Variants in FIGNL1 observed in about 807,000 individuals in gnomAD.
FIGNL1 encodes the protein fidgetin like 1, also known as fidgetin-like protein 1.
FIGNL1 carries 11 observed loss-of-function variants against 28.9 expected under a neutral mutation model. That is an observed-to-expected ratio of 0.38 (90% confidence interval 0.24 to 0.63). The LOEUF is 0.63. Ranked by LOEUF, FIGNL1 falls within the 20% of genes least tolerant of loss-of-function variation. FIGNL1 has a pLI of 0.57. For missense variants in FIGNL1, 789 were observed against 810.4 expected (o/e 0.97, Z 0.32); for synonymous variants, 295 against 276.5 (o/e 1.07, Z -0.66).
chr7:50,448,854 G>T (rs1821502003), intron 2 of FIGNL1: 2 of 152,312 alleles, frequency 1.3e-5, no homozygotes, highest in South Asian at 4.1e-4. Context: ...GAGCTTTAAA[G>T]ACACTGTAAT....
At chr7:50,449,905 G>T (rs1276121235) in intron 1 of FIGNL1, 182 bp from the exon 2 acceptor site, 1 of 152,252 alleles carries the variant, frequency 6.6e-6, no homozygotes, top group African/African-American at 2.4e-5. Flanking sequence ...AGCTTGCCTG[G>T]GTCACAGGGG....
Position 50,445,533 on chromosome 7 carries a change from C to A in FIGNL1, c.1755G>T (p.Gln585His). Residue 585 changes from glutamine (Q) to histidine (H), a missense_variant, in exon 4 of 4, where the codon CAG (glutamine) becomes CAT (histidine). Gln to His is a conservative substitution (Grantham distance 24). Transcript: ENST00000433017. ...QIVINLMSKE[Q>H]CCLSEEEIEQ... ...CAATTTCTTCTTCACTGAGGCAACA[C>A]TGCTCTTTGGACATTAGATTAATTA... 1 of 1,614,230 alleles carries A rather than the reference C, an allele frequency of 6.2e-7. No individual in the cohort carries two copies. Among genetic ancestry groups the A allele is most frequent in the Non-Finnish European group, 8.5e-7 (1 of 1,180,038 alleles).
Position 50,447,218 on chromosome 7 carries a change from C to G in FIGNL1, c.70G>C (p.Gly24Arg), listed in dbSNP as rs1239566426. Residue 24 changes from glycine to arginine, a missense_variant, in exon 4 of 4, where the codon GGC becomes CGC. Transcript: ENST00000433017. ...TCTGCCTTCGGTCCGGTACATATGC[C>G]AGATGTAATTGCGAAGTAATTCTTC... ...WQKNYFAITS[G>R]ICTGPKADAY... is the part of the protein sequence containing the mutation. 6.2e-7 allele frequency: 1 copy of G among 1,612,470 alleles called. No homozygotes were observed. The highest frequency in any genetic ancestry group is 1.1e-5 in the South Asian group (1 of 91,038).
In FIGNL1 at chr7:50,445,009, T is replaced by C. The variant is rs2153527394; in HGVS notation, c.*254A>G. ...GAGCTCACTTTTCATGTTATATAGC[T>C]TCAAGATAAAGACTTCTTAGAAACA... On this transcript the variant is annotated 3_prime_UTR_variant, in exon 4 of 4. Transcript: ENST00000433017. 1 of 266,840 alleles carries C rather than the reference T, an allele frequency of 3.7e-6. No individual in the cohort carries two copies. Among genetic ancestry groups the C allele is most frequent in the Non-Finnish European group, 7.0e-6 (1 of 143,692 alleles). The allele number at this position is 266,840 out of a possible 1,614,324, so 16.5% of individuals were successfully genotyped here.
At position 50,444,998 on chromosome 7, in the gene FIGNL1, T is replaced by C. The variant is rs1483297554; in HGVS notation, c.*265A>G. The C allele has an allele frequency of 1.3e-5, 3 of 238,896 alleles. No individual in the cohort carries two copies. Among genetic ancestry groups the C allele is most frequent in the Non-Finnish European group, 2.4e-5 (3 of 125,442 alleles). 14.8% of individuals were successfully genotyped at this position (238,896 alleles called of 1,614,324 possible). A position where few individuals can be genotyped will look rare whatever the true frequency, so the allele number is the denominator to read the frequency against. The stretch of plus-strand genomic sequence containing the variant: ...AAAAAAAATTTGAGCTCACTTTTCA[T>C]GTTATATAGCTTCAAGATAAAGACT... On this transcript the variant is annotated 3_prime_UTR_variant, in exon 4 of 4. Coordinates refer to ENST00000433017, the MANE Select transcript of FIGNL1 (RefSeq NM_001287492.4).
Position 50,447,059 on chromosome 7 carries a change from A to T in FIGNL1, c.229T>A (p.Ser77Thr), listed in dbSNP as rs759159447. ...SAIIDSDNVE[S>T]GLNNYAENIL... ...TTTTCTGCATAATTATTCAACCCAGATTCAACATTGTCAGAATCAATAATT... is the reference window on the plus strand; with the variant it reads ...TTTTCTGCATAATTATTCAACCCAGTTTCAACATTGTCAGAATCAATAATT... Residue 77 changes from serine (S) to threonine (T), a missense_variant, in exon 4 of 4, where the codon TCT (serine) becomes ACT (threonine). Physicochemically the swap from Ser to Thr is moderately conservative, Grantham distance 58. Transcript: ENST00000433017. The T allele has an allele frequency of 6.2e-7, 1 of 1,614,234 alleles. No individual in the cohort carries two copies. The highest frequency in any genetic ancestry group is 8.5e-7 in the Non-Finnish European group (1 of 1,180,040).
chr7:50,445,073 C>G lies in FIGNL1; in HGVS notation c.*190G>C. 1 of 389,948 alleles carries G rather than the reference C, an allele frequency of 2.6e-6. No individual in the cohort carries two copies. Among genetic ancestry groups the G allele is most frequent in the Non-Finnish European group, 4.5e-6 (1 of 221,760 alleles). The allele number at this position is 389,948 out of a possible 1,614,324, so 24.2% of individuals were successfully genotyped here. A position where few individuals can be genotyped will look rare whatever the true frequency, so the allele number is the denominator to read the frequency against. ...ACTTTGTTCAAATAGGCTTACGTAT[C>G]AGGTAATCACTGGAAAGCAAAACTT... On this transcript the variant is annotated 3_prime_UTR_variant, in exon 4 of 4. Coordinates refer to ENST00000433017, the MANE Select transcript of FIGNL1 (RefSeq NM_001287492.4).
Position 50,446,521 on chromosome 7 carries a change from T to A in FIGNL1, c.767A>T (p.Gln256Leu), listed in dbSNP as rs113845281. 6.9e-5 allele frequency: 111 copies of A among 1,614,222 alleles called. No individual in the cohort carries two copies. The African/African-American group carries it at 9.6e-4, about 14-fold the overall frequency. ...SCFPAACENP[Q>L]RKSFYGSGTI... ...GCCAGAACCATAAAAAGACTTCCTCTGTGGATTTTCACAGGCAGCAGGAAA... is the reference window on the plus strand; with the variant it reads ...GCCAGAACCATAAAAAGACTTCCTCAGTGGATTTTCACAGGCAGCAGGAAA... The change falls in exon 4 of 4, where the codon CAG becomes CTG. Residue 256 changes from glutamine (Q) to leucine (L), a missense_variant. Transcript: ENST00000433017.
At position 50,446,310 on chromosome 7, in the gene FIGNL1, CT is replaced by C. The variant is rs1820794929; in HGVS notation, c.977del (p.Lys326SerfsTer3). On this transcript the variant is annotated frameshift_variant, in exon 4 of 4. Transcript: ENST00000433017. LOFTEE classifies it high-confidence loss of function. ...ASGSSYGGVK[K>X]SLGASRSRGI... Reference sequence around the variant, plus strand: ...CTCGGGATCTACTAGCTCCTAGAGACTTTTTTACACCACCATATGAAGACCC... The same window carrying C: ...CTCGGGATCTACTAGCTCCTAGAGACTTTTTACACCACCATATGAAGACCC... 2 of 1,614,104 alleles carry C rather than the reference CT, an allele frequency of 1.2e-6. No homozygotes were observed. Among genetic ancestry groups the C allele is most frequent in the Non-Finnish European group, 1.7e-6 (2 of 1,180,026 alleles).
chr7:50,445,570 C>T lies in FIGNL1; in HGVS notation c.1718G>A (p.Arg573Lys). Residue 573 changes from arginine to lysine, a missense_variant, in exon 4 of 4, where the codon AGG becomes AAG. Arg to Lys is a conservative substitution (Grantham distance 26). Coordinates refer to ENST00000433017, the MANE Select transcript of FIGNL1 (RefSeq NM_001287492.4). ...CATTAGATTAATTACTATCTGTTTC[C>T]TGGCTGAAGCTTCTGGGAGGGGAAT... Reference protein sequence around the residue: ...LYIPLPEASARKQIVINLMSK... With the variant: ...LYIPLPEASAKKQIVINLMSK... The T allele has an allele frequency of 1.2e-6, 2 of 1,614,210 alleles. No individual in the cohort carries two copies. Among genetic ancestry groups the T allele is most frequent in the Non-Finnish European group, 1.7e-6 (2 of 1,180,042 alleles).
rs770875263 is a variant in FIGNL1, at chr7:50,446,788, G to A, written c.500C>T (p.Ala167Val). 3.8e-5 allele frequency: 61 copies of A among 1,613,956 alleles called. 1 individual carries two copies. Among genetic ancestry groups the A allele is most frequent in the Middle Eastern group, 3.3e-4 (2 of 6,084 alleles). The change falls in exon 4 of 4, where the codon GCT (alanine) becomes GTT (valine). Residue 167 changes from alanine to valine, a missense_variant. Transcript: ENST00000433017. Reference protein sequence around the residue: ...SQESDSLPNSAHDRDRTQDFP... With the variant: ...SQESDSLPNSVHDRDRTQDFP... ...GTCTTGGGTCCGGTCTCGATCATGA[G>A]CTGAGTTAGGTAATGAGTCACTCTC...
rs369169571 is a variant in FIGNL1, at chr7:50,446,758, G to T, written c.530C>A (p.Pro177Gln). The part of the protein sequence containing the change: ...AHDRDRTQDF[P>Q]ESNRLKLLQN... ...AAGGAGTTTCAAACGATTGCTCTCC[G>T]GGAAGTCTTGGGTCCGGTCTCGATC... Residue 177 changes from proline to glutamine, a missense_variant, in exon 4 of 4, where the codon CCG becomes CAG. Physicochemically the swap from Pro to Gln is moderately conservative, Grantham distance 76 (BLOSUM62 -1). Coordinates refer to ENST00000433017, the MANE Select transcript of FIGNL1 (RefSeq NM_001287492.4). The T allele has an allele frequency of 5.0e-6, 8 of 1,614,020 alleles. No individual in the cohort carries two copies. Among genetic ancestry groups the T allele is most frequent in the Admixed American group, 1.7e-5 (1 of 59,996 alleles).
rs533441543 is a variant in FIGNL1, at chr7:50,446,096, C to T, written c.1192G>A (p.Val398Ile). Residue 398 changes from valine (V) to isoleucine (I), a missense_variant, in exon 4 of 4, where the codon GTA becomes ATA. Physicochemically the swap from Val to Ile is conservative, Grantham distance 29. Coordinates refer to ENST00000433017, the MANE Select transcript of FIGNL1 (RefSeq NM_001287492.4). The stretch of plus-strand genomic sequence containing the variant: ...ACTCCTGCAATATCTTCCCAATTTA[C>T]TGGAGGTCCATGATCCATAATCTCA... ...MNEIMDHGPPVNWEDIAGVEF... is the reference protein window; with the variant it reads ...MNEIMDHGPPINWEDIAGVEF... The T allele has an allele frequency of 2.5e-6, 4 of 1,614,216 alleles. No homozygotes were observed. The African/African-American group carries it at 4.0e-5, about 16-fold the overall frequency.
chr7:50,447,138 A>T lies in FIGNL1; in HGVS notation c.150T>A (p.Ile50=). 1 of 1,614,224 alleles carries T rather than the reference A, an allele frequency of 6.2e-7. No individual in the cohort carries two copies. Among genetic ancestry groups the T allele is most frequent in the East Asian group, 2.2e-5 (1 of 44,884 alleles). Reference sequence around the variant, plus strand: ...ACAGTTTGGTAGCACAGACCTGGGAAATCTCAGAGTTTGCCCATGCATACT... The same window carrying T: ...ACAGTTTGGTAGCACAGACCTGGGATATCTCAGAGTTTGCCCATGCATACT... ...RIQYAWANSE[I]SQVCATKLFK... is the part of the protein sequence containing the mutation. Residue 50 remains isoleucine, a synonymous_variant, in exon 4 of 4, where the codon ATT becomes ATA. Transcript: ENST00000433017.
rs765462822 is a variant in FIGNL1 at position 50,446,511 on chromosome 7, A to T, written c.777T>A (p.Ser259=). 6.2e-7 allele frequency: 1 copy of T among 1,614,222 alleles called. No individual in the cohort carries two copies. The highest frequency in any genetic ancestry group is 1.7e-5 in the Admixed American group (1 of 60,026). ...CATCAATGGTGCCAGAACCATAAAA[A>T]GACTTCCTCTGTGGATTTTCACAGG... ...PAACENPQRK[S]FYGSGTIDAL... is the part of the protein sequence containing the mutation. Residue 259 remains serine (S), a synonymous_variant, in exon 4 of 4, where the codon TCT becomes TCA. Transcript: ENST00000433017.
rs371326486 is a variant in FIGNL1, at chr7:50,446,479, G to C, written c.809C>G (p.Ser270Cys). 44 of 1,614,058 alleles carry C rather than the reference G, an allele frequency of 2.7e-5. No individual in the cohort carries two copies. Among genetic ancestry groups the C allele is most frequent in the African/African-American group, 2.5e-4 (19 of 74,928 alleles). ...FYGSGTIDAL[S>C]NPILNKACSK... ...ACAAGCCTTATTCAGTATTGGATTG[G>C]AAAGTGCATCAATGGTGCCAGAACC... is the stretch of plus-strand genomic sequence containing the variant. The change falls in exon 4 of 4, where the codon TCC (serine) becomes TGC (cysteine). Residue 270 changes from serine to cysteine, a missense_variant. By Grantham distance (112) the Ser-to-Cys change is moderately radical. Transcript: ENST00000433017.
In FIGNL1 at chr7:50,446,238, T is replaced by TC; in HGVS notation, c.1049dup (p.Glu351ArgfsTer9). On this transcript the variant is annotated frameshift_variant, in exon 4 of 4. Coordinates refer to ENST00000433017, the MANE Select transcript of FIGNL1 (RefSeq NM_001287492.4). LOFTEE classifies it high-confidence loss of function. Reference sequence around the variant, plus strand: ...TACATTGCATTCCTCCATTCTGCTCTCCCCCATCTTGCTTGGGTATAGGAG... The same window carrying TC: ...TACATTGCATTCCTCCATTCTGCTCTCCCCCCATCTTGCTTGGGTATAGGAG... 1 of 1,614,128 alleles carries TC rather than the reference T, an allele frequency of 6.2e-7. No individual in the cohort carries two copies. Among genetic ancestry groups the TC allele is most frequent in the Non-Finnish European group, 8.5e-7 (1 of 1,180,018 alleles).
Position 50,444,357 on chromosome 7 carries a change from A to C in FIGNL1, c.*906T>G, listed in dbSNP as rs1435120441. On this transcript the variant is annotated 3_prime_UTR_variant, in exon 4 of 4. Coordinates refer to ENST00000433017, the MANE Select transcript of FIGNL1 (RefSeq NM_001287492.4). The stretch of plus-strand genomic sequence containing the variant: ...ACATTTATGTTAACATGGAAAGTGA[A>C]GATACGCTTTGAAGAATAGGCTACA... 6.6e-6 allele frequency: 1 copy of C among 152,244 alleles called. No homozygotes were observed. Among genetic ancestry groups the C allele is most frequent in the Non-Finnish European group, 1.5e-5 (1 of 68,040 alleles). 9.4% of individuals were successfully genotyped at this position (152,244 alleles called of 1,614,324 possible).
At position 50,445,148 on chromosome 7, in the gene FIGNL1, GA is replaced by G; in HGVS notation, c.*114del. The G allele has an allele frequency of 1.6e-6, 1 of 610,468 alleles. No homozygotes were observed. Among genetic ancestry groups the G allele is most frequent in the Non-Finnish European group, 2.6e-6 (1 of 382,354 alleles). The allele number at this position is 610,468 out of a possible 1,614,324, so 37.8% of individuals were successfully genotyped here. A position where few individuals can be genotyped will look rare whatever the true frequency, so the allele number is the denominator to read the frequency against. On this transcript the variant is annotated 3_prime_UTR_variant, in exon 4 of 4. Transcript: ENST00000433017. ...AGATGTAAAATCTGTGCTATTATTT[GA>G]AGTACAGAACTTAGAATATATTCTT... is the stretch of plus-strand genomic sequence containing the variant.
Sources: allele counts gnomAD v4.1 joint callset, GRCh38; gene constraint gnomAD v4.1.1; transcripts MANE v1.5; gene names NCBI Gene and HGNC (gene_info 2026-07-23, HGNC 2026-07-21).